The following DLC1 variants were observed in gnomAD, a reference collection of about 807,000 sequenced individuals.
DLC1 encodes the protein rho GTPase-activating protein 7.
In DLC1, 54 loss-of-function variants were observed where a neutral mutation model predicts 140.3. The ratio of observed to expected loss-of-function variants is 0.38; its 90% CI spans 0.31 to 0.48. The LOEUF is 0.48. DLC1 is among the 20% of genes least tolerant of loss of function. DLC1 has a pLI of 0.96. For synonymous variants in DLC1, 986 were observed against 728.1 expected, an observed-to-expected ratio of 1.35 and a Z score of -5.70; for missense variants, 2,536 against 1,907.0, an observed-to-expected ratio of 1.33 and a Z score of -6.14.
intron 5 of DLC1, among the ~76,000 whole-genome samples, chr8:13,209,800 T>C (rs1233349746): frequency 1.3e-5 from 2 of 152,196 alleles, no homozygotes; most frequent in Non-Finnish European, 2.9e-5. Context: ...GCCATGATTG[T>C]AAGCTTACTG....
chr8:13,504,371 TGCCTCG>T (rs1378397973), intron 1 of DLC1, among the ~76,000 whole-genome samples: 1 of 152,186 alleles, frequency 6.6e-6, no homozygotes, highest in Admixed American at 6.5e-5. Flanking sequence ...GTGATCCGCC[TGCCTCG>T]GCCTCCCAAA....
At chr8:13,543,224 G>A (rs1338130697) in intron 1 of DLC1, among the ~76,000 whole-genome samples, 2 of 152,040 alleles carry the variant, frequency 1.3e-5, no homozygotes, top group African/African-American at 4.8e-5. Context: ...TGCAAAGTAG[G>A]AAATCTTTTT....
intron 2 of DLC1, among the ~76,000 whole-genome samples, chr8:13,443,677 A>G (rs1005728375): frequency 1.3e-4 from 19 of 150,434 alleles, no homozygotes; most frequent in South Asian, 8.4e-4. Context: ...AAAAAAAAAG[A>G]AAAAGAAAAA....
intron 5 of DLC1, chr8:13,214,860 G>T: frequency 1.4e-6 from 1 of 730,014 alleles, no homozygotes. Flanking sequence ...CAATAGATGG[G>T]TCTCATGACA....
Position 13,572,152 on chromosome 8 carries a change from C to T in DLC1, c.-126+32385G>A, listed in dbSNP as rs543204135. Among the ~76,000 whole-genome samples the T allele has an allele frequency of 9.8e-4, 147 of 150,008 alleles. 1 individual carries two copies. The highest frequency in any genetic ancestry group is 3.3e-3 in the African/African-American group (136 of 40,968). On this transcript the variant is annotated intron_variant, in intron 1 of 1. Transcript: ENST00000631382. ...TCACCCAGGCTGGAATGCAGTGGCA[C>T]GATCTCGCCTCACTGCAAGCTCCAC... is the stretch of plus-strand genomic sequence containing the variant.
At chr8:13,090,222 C>A (rs1031260621) in intron 15 of DLC1, 30 bp downstream of exon 15, 3 of 1,601,842 alleles carry the variant, frequency 1.9e-6, no homozygotes, top group Admixed American at 3.4e-5. Context: ...CTCCTGGACT[C>A]AACTAGCCGA....
At chr8:13,159,438 C>T (rs920612830) in intron 5 of DLC1, among the ~76,000 whole-genome samples, 1 of 152,162 alleles carries the variant, frequency 6.6e-6, no homozygotes, top group African/African-American at 2.4e-5. Flanking sequence ...CGCATTCTCA[C>T]GTTCAGGTTT....
At chr8:13,564,886 A>G (rs770613094) in intron 1 of DLC1, among the ~76,000 whole-genome samples, 1 of 152,120 alleles carries the variant, frequency 6.6e-6, no homozygotes, top group African/African-American at 2.4e-5. Flanking sequence ...TCTCTTTTCT[A>G]TTCTTCATAT....
At chr8:13,344,748 C>T (rs1239437056) in intron 4 of DLC1, among the ~76,000 whole-genome samples, 2 of 151,984 alleles carry the variant, frequency 1.3e-5, no homozygotes, top group African/African-American at 2.4e-5. Flanking sequence ...TAGGAAAGCA[C>T]GTGTGTGTAA....
intron 4 of DLC1, among the ~76,000 whole-genome samples, chr8:13,353,898 G>T (rs567726788): frequency 1.3e-5 from 2 of 151,850 alleles, no homozygotes; most frequent in East Asian, 3.9e-4. Flanking sequence ...ACTTTGTAAC[G>T]TGCCACACTA....
At chr8:13,537,520 A>G (rs1803323357) in intron 1 of DLC1, among the ~76,000 whole-genome samples, 1 of 152,222 alleles carries the variant, frequency 6.6e-6, no homozygotes, top group Admixed American at 6.5e-5. Flanking sequence ...TCAGTGTAAA[A>G]GCTGACATGG....
At chr8:13,495,050 A>T (rs1168920546) in intron 2 of DLC1, among the ~76,000 whole-genome samples, 2 of 152,178 alleles carry the variant, frequency 1.3e-5, no homozygotes, top group African/African-American at 4.8e-5. Context: ...GGAATGTAGA[A>T]TTAGGTGTCT....
At chr8:13,358,435 A>T (rs992287323) in intron 4 of DLC1, among the ~76,000 whole-genome samples, 3 of 152,162 alleles carry the variant, frequency 2.0e-5, no homozygotes, top group Non-Finnish European at 4.4e-5. Context: ...AGTCCAAAAA[A>T]AGTGCTTGAT....
intron 4 of DLC1, among the ~76,000 whole-genome samples, chr8:13,393,102 CTG>C (rs946158614): frequency 1.4e-4 from 21 of 152,026 alleles, no homozygotes; most frequent in African/African-American, 5.1e-4. Flanking sequence ...TCTCTATCAT[CTG>C]TTTCTCCTTA....
At chr8:13,335,122 A>C (rs1833765728) in intron 4 of DLC1, among the ~76,000 whole-genome samples, 1 of 152,128 alleles carries the variant, frequency 6.6e-6, no homozygotes. Context: ...GGTGTTTTTA[A>C]GACTATGGGG....
intron 2 of DLC1, among the ~76,000 whole-genome samples, chr8:13,421,571 T>A (rs1167124495): frequency 6.6e-6 from 1 of 152,144 alleles, no homozygotes; most frequent in Admixed American, 6.6e-5. Context: ...GGTGCACTGA[T>A]TAGAAAATGT....
At chr8:13,086,923 G>A (rs547107422) in intron 16 of DLC1, among the ~76,000 whole-genome samples, 8 of 152,234 alleles carry the variant, frequency 5.3e-5, no homozygotes, top group Admixed American at 4.6e-4. Flanking sequence ...TACTCCGGGG[G>A]CTGAGATGGT....
intron 4 of DLC1, among the ~76,000 whole-genome samples, chr8:13,362,481 A>G (rs1835275766): frequency 6.6e-6 from 1 of 152,118 alleles, no homozygotes. Flanking sequence ...CTGGAATTAG[A>G]GTGAAACTCT....
At chr8:13,444,413 C>T (rs1798684988) in intron 2 of DLC1, among the ~76,000 whole-genome samples, 1 of 151,926 alleles carries the variant, frequency 6.6e-6, no homozygotes, top group Non-Finnish European at 1.5e-5. Context: ...CAAACCTGCA[C>T]ATTATGCACA....
Sources: gnomAD v4.1 joint callset for allele counts (sites outside exome capture counted in the v4.1 genomes callset) on GRCh38, gnomAD v4.1.1 for gene constraint, MANE v1.5 for transcripts, NCBI Gene and HGNC (gene_info 2026-07-23, HGNC 2026-07-21) for gene names.